Variants in RABGAP1L observed in about 807,000 individuals in gnomAD.
The protein encoded by RABGAP1L is RAB GTPase activating protein 1 like.
A neutral mutation model predicts 137.7 loss-of-function variants in RABGAP1L; 63 were observed. That is an observed-to-expected ratio of 0.46 (90% CI 0.37 to 0.56). The LOEUF (loss-of-function observed/expected upper bound fraction) is 0.56. RABGAP1L is among the 20% of genes least tolerant of loss of function. The pLI, the probability that RABGAP1L is intolerant of heterozygous loss-of-function variation, is 0.00. For synonymous variants in RABGAP1L, 431 were observed against 433.7 expected, an observed-to-expected ratio of 0.99 and a Z score of 0.08; for missense variants, 1,095 against 1,244.0, an observed-to-expected ratio of 0.88 and a Z score of 1.80.
At chr1:174,202,459 G>A (rs1668192090) in intron 1 of RABGAP1L, among the ~76,000 whole-genome samples, 1 of 152,212 alleles carries the variant, frequency 6.6e-6, no homozygotes, top group African/African-American at 2.4e-5. Flanking sequence ...CTTTTGAGAA[G>A]TGTCTGTTCA....
intron 12 of RABGAP1L, among the ~76,000 whole-genome samples, chr1:174,389,390 T>C (rs1050896732): frequency 6.6e-6 from 1 of 151,994 alleles, no homozygotes; most frequent in African/African-American, 2.4e-5. Flanking sequence ...CTAATTCCAT[T>C]GGTGACTTTT....
intron 13 of RABGAP1L, among the ~76,000 whole-genome samples, chr1:174,542,938 A>T (rs1157863175): frequency 6.6e-6 from 1 of 152,142 alleles, no homozygotes; most frequent in East Asian, 1.9e-4. Flanking sequence ...TTCTAGTTTG[A>T]TTGCACTGTG....
intron 12 of RABGAP1L, among the ~76,000 whole-genome samples, chr1:174,379,107 C>T (rs368791864): frequency 0.16 from 20,904 of 133,068 alleles, 1,720 homozygotes; most frequent in Admixed American, 0.18. Context: ...AGATATGCGG[C>T]GTTATTTCTG....
chr1:174,603,795 A>G (rs1670588124), intron 13 of RABGAP1L, among the ~76,000 whole-genome samples: 1 of 151,880 alleles, frequency 6.6e-6, no homozygotes. Flanking sequence ...TCTCCCCTAC[A>G]AGGCAGCAGG....
intron 19 of RABGAP1L, among the ~76,000 whole-genome samples, chr1:174,824,480 G>A (rs559672206): frequency 1.2e-3 from 177 of 152,184 alleles, no homozygotes; most frequent in African/African-American, 4.0e-3. Context: ...GGGCGACAGA[G>A]CAAGACTCTG....
intron 19 of RABGAP1L, among the ~76,000 whole-genome samples, chr1:174,832,090 C>T (rs1034191988): frequency 1.4e-5 from 2 of 147,132 alleles, no homozygotes; most frequent in Non-Finnish European, 3.0e-5. Context: ...GCCAGGAGTT[C>T]GAGACTAGCC....
At chr1:174,633,101 T>C (rs959722060) in intron 13 of RABGAP1L, among the ~76,000 whole-genome samples, 2 of 151,992 alleles carry the variant, frequency 1.3e-5, no homozygotes, top group African/African-American at 4.8e-5. Context: ...TTGTCCCTGT[T>C]TGCAGATGAT....
intron 11 of RABGAP1L, among the ~76,000 whole-genome samples, chr1:174,322,849 C>G (rs138371331): frequency 2.6e-4 from 40 of 152,188 alleles, no homozygotes; most frequent in African/African-American, 8.9e-4. Context: ...TAAGCAAGAA[C>G]CACAGGGGCA....
chr1:174,543,786 C>T (rs1665720057), intron 13 of RABGAP1L, among the ~76,000 whole-genome samples: 1 of 152,096 alleles, frequency 6.6e-6, no homozygotes, highest in African/African-American at 2.4e-5. Flanking sequence ...GTAAGGCAGG[C>T]CTGGTGGTGA....
chr1:174,201,476 G>A (rs969941575), intron 1 of RABGAP1L, among the ~76,000 whole-genome samples: 1 of 152,140 alleles, frequency 6.6e-6, no homozygotes, highest in African/African-American at 2.4e-5. Flanking sequence ...GGGATTACAG[G>A]TGCCACCGCA....
At chr1:174,965,500 A>C (rs537967636) in intron 20 of RABGAP1L, among the ~76,000 whole-genome samples, 12 of 152,314 alleles carry the variant, frequency 7.9e-5, no homozygotes, top group African/African-American at 2.9e-4. Context: ...TTTTTCTAGA[A>C]TTGGTCAGTA....
chr1:174,712,617 A>G (rs1680646538), intron 17 of RABGAP1L, among the ~76,000 whole-genome samples: 1 of 152,212 alleles, frequency 6.6e-6, no homozygotes, highest in Non-Finnish European at 1.5e-5. Flanking sequence ...CAGCGAGACC[A>G]AGAACCCACC....
intron 1 of RABGAP1L, among the ~76,000 whole-genome samples, chr1:174,176,013 G>A (rs1433510632): frequency 6.6e-6 from 1 of 152,164 alleles, no homozygotes; most frequent in Non-Finnish European, 1.5e-5. Context: ...CCTGTGTAAT[G>A]TCTGGCTTTG....
At chr1:174,257,662 CTGAGT>C (rs1176391179) in intron 7 of RABGAP1L, among the ~76,000 whole-genome samples, 2 of 152,060 alleles carry the variant, frequency 1.3e-5, no homozygotes, top group African/African-American at 4.8e-5. Flanking sequence ...CAACTTCTGC[CTGAGT>C]TGAGAGAAAA....
intron 13 of RABGAP1L, among the ~76,000 whole-genome samples, chr1:174,618,007 G>A (rs886375357): frequency 1.3e-5 from 2 of 152,232 alleles, no homozygotes; most frequent in African/African-American, 4.8e-5. Context: ...CCCGCGCCTG[G>A]CTTGGAGGGT....
chr1:174,540,919 T>C (rs962750154), intron 13 of RABGAP1L, among the ~76,000 whole-genome samples: 1 of 152,216 alleles, frequency 6.6e-6, no homozygotes, highest in Non-Finnish European at 1.5e-5. Flanking sequence ...ATTATTCCTA[T>C]CCACGAGCAT....
intron 19 of RABGAP1L, among the ~76,000 whole-genome samples, chr1:174,860,507 G>A (rs530456943): frequency 6.6e-6 from 1 of 152,040 alleles, no homozygotes; most frequent in Admixed American, 6.6e-5. Flanking sequence ...AAGTAGAGAG[G>A]TAGGGTGGGG....
At chr1:174,332,170 C>T (rs1255974605) in intron 11 of RABGAP1L, among the ~76,000 whole-genome samples, 1 of 152,080 alleles carries the variant, frequency 6.6e-6, no homozygotes, top group Non-Finnish European at 1.5e-5. Context: ...TTTAAGTGAG[C>T]CTAAACAAGT....
At chr1:174,783,707 C>CTTTTT (rs34367315) in intron 18 of RABGAP1L, among the ~76,000 whole-genome samples, 179 of 102,452 alleles carry the variant, frequency 1.7e-3, no homozygotes, top group Non-Finnish European at 2.3e-3. Context: ...TCTTCTTCTT[C>CTTTTT]TTTTTTTTTT....
Sources: allele counts gnomAD v4.1 joint callset (sites outside exome capture counted in the v4.1 genomes callset), GRCh38; gene constraint gnomAD v4.1.1; transcripts MANE v1.5; gene names NCBI Gene and HGNC (gene_info 2026-07-23, HGNC 2026-07-21).